The following TBL1XR1 variants were observed in gnomAD, a reference collection of about 807,000 sequenced individuals.
TBL1XR1 encodes F-box-like/WD repeat-containing protein TBL1XR1.
Under a neutral mutation model 66.9 loss-of-function variants are expected in TBL1XR1, and 5 were observed. The observed-to-expected ratio is 0.07, with a 90% CI of 0.04 to 0.16. TBL1XR1 has a LOEUF of 0.16. Ranked by LOEUF, TBL1XR1 falls within the 10% of genes least tolerant of loss-of-function variation. The pLI is 1.00. For synonymous variants in TBL1XR1, 210 were observed against 206.0 expected (o/e 1.02, Z -0.17); for missense variants, 238 against 623.2 (o/e 0.38, Z 6.58).
At chr3:177,067,610 T>C (rs1443148515) in intron 2 of TBL1XR1, among the ~76,000 whole-genome samples, 1 of 152,130 alleles carries the variant, frequency 6.6e-6, no homozygotes, top group East Asian at 1.9e-4. Flanking sequence ...TAATAAAAAA[T>C]ACCAAATAAG....
At chr3:177,168,945 C>T (rs765352463) in intron 1 of TBL1XR1, among the ~76,000 whole-genome samples, 4 of 152,102 alleles carry the variant, frequency 2.6e-5, no homozygotes, top group Non-Finnish European at 5.9e-5. Flanking sequence ...TTTGCCTTAC[C>T]AATCCAACTA....
chr3:177,131,510 C>CAT, intron 1 of TBL1XR1: 1 of 257,096 alleles, frequency 3.9e-6, no homozygotes, highest in Non-Finnish European at 5.6e-6. Flanking sequence ...TTCTGAATAT[C>CAT]TTTTTTTTTT....
At chr3:177,112,652 C>A (rs1725795415) in intron 1 of TBL1XR1, among the ~76,000 whole-genome samples, 1 of 151,924 alleles carries the variant, frequency 6.6e-6, no homozygotes. Context: ...AATTAGGTGC[C>A]CGGCCAAATT....
At chr3:177,092,719 GA>G (rs11399492) in intron 2 of TBL1XR1, among the ~76,000 whole-genome samples, 16 of 147,268 alleles carry the variant, frequency 1.1e-4, no homozygotes, top group East Asian at 2.0e-4. Context: ...GTTTTTCAAG[GA>G]AAAAAAAAAA....
intron 1 of TBL1XR1, among the ~76,000 whole-genome samples, chr3:177,170,724 C>T (rs1303435514): frequency 1.3e-5 from 2 of 152,138 alleles, no homozygotes; most frequent in African/African-American, 2.4e-5. Flanking sequence ...CCTGCCTCTG[C>T]CCACCAAGTA....
intron 14 of TBL1XR1, among the ~76,000 whole-genome samples, chr3:177,031,340 A>T (rs995675129): frequency 4.1e-5 from 6 of 145,288 alleles, no homozygotes; most frequent in Non-Finnish European, 6.1e-5. Context: ...CTTAATTTTT[A>T]TTTTTTTTTT....
intron 1 of TBL1XR1, among the ~76,000 whole-genome samples, chr3:177,145,372 GAA>G (rs529272642): frequency 2.6e-5 from 4 of 151,964 alleles, no homozygotes; most frequent in Non-Finnish European, 5.9e-5. Context: ...GCTCCCTATA[GAA>G]AAAGTCTGCT....
intron 1 of TBL1XR1, among the ~76,000 whole-genome samples, chr3:177,115,712 A>C (rs899752088): frequency 1.3e-5 from 2 of 152,228 alleles, no homozygotes; most frequent in Non-Finnish European, 2.9e-5. Context: ...TCTAAAATTT[A>C]AGCTTTTGAT....
At chr3:177,049,899 CA>C in intron 7 of TBL1XR1, 97 bp downstream of exon 7, 1 of 1,405,022 alleles carries the variant, frequency 7.1e-7, no homozygotes, top group Non-Finnish European at 9.6e-7. Context: ...AATAAAACCC[CA>C]AATTCTGAAC....
At chr3:177,145,501 A>T (rs1197340299) in intron 1 of TBL1XR1, among the ~76,000 whole-genome samples, 9 of 152,210 alleles carry the variant, frequency 5.9e-5, no homozygotes. Flanking sequence ...TCTAGAATAA[A>T]GGCAGTAAGG....
intron 5 of TBL1XR1, among the ~76,000 whole-genome samples, chr3:177,050,944 A>G (rs969493466): frequency 2.0e-5 from 3 of 152,138 alleles, no homozygotes; most frequent in Non-Finnish European, 4.4e-5. Flanking sequence ...AGTTTCTGCC[A>G]GTAGGGGTTG....
intron 1 of TBL1XR1, among the ~76,000 whole-genome samples, chr3:177,157,766 G>A (rs1217465545): frequency 6.6e-6 from 1 of 152,126 alleles, no homozygotes; most frequent in Non-Finnish European, 1.5e-5. Context: ...CAAATTAGCC[G>A]TTTCCTGGGA....
chr3:177,187,570 G>A (rs1463739539), intron 1 of TBL1XR1, among the ~76,000 whole-genome samples: 1 of 152,010 alleles, frequency 6.6e-6, no homozygotes, highest in Non-Finnish European at 1.5e-5. Context: ...CAAAGAATTG[G>A]TTTAAAAATA....
chr3:177,114,742 G>A (rs1430288463), intron 1 of TBL1XR1, among the ~76,000 whole-genome samples: 2 of 151,920 alleles, frequency 1.3e-5, no homozygotes, highest in South Asian at 4.1e-4. Flanking sequence ...TTGGGACGCT[G>A]AGATGGGAAG....
chr3:177,150,089 T>C (rs1032116898), intron 1 of TBL1XR1, among the ~76,000 whole-genome samples: 1 of 152,190 alleles, frequency 6.6e-6, no homozygotes, highest in African/African-American at 2.4e-5. Flanking sequence ...TCTTATCTGA[T>C]TCCAAACAAG....
chr3:177,164,166 G>C (rs1479520504), intron 1 of TBL1XR1, among the ~76,000 whole-genome samples: 2 of 152,116 alleles, frequency 1.3e-5, no homozygotes, highest in Non-Finnish European at 2.9e-5. Context: ...TCTTGTTCCA[G>C]AGCTGAGTAA....
At chr3:177,077,495 T>C (rs979459970) in intron 2 of TBL1XR1, among the ~76,000 whole-genome samples, 39 of 152,332 alleles carry the variant, frequency 2.6e-4, no homozygotes, top group African/African-American at 9.1e-4. Context: ...CGTTCTAAAA[T>C]GTATCCAACA....
At chr3:177,137,384 C>T (rs974403300) in intron 1 of TBL1XR1, among the ~76,000 whole-genome samples, 2 of 152,038 alleles carry the variant, frequency 1.3e-5, no homozygotes, top group Non-Finnish European at 2.9e-5. Flanking sequence ...CCCGGTTACT[C>T]GGGAGGCTGA....
At chr3:177,163,484 G>A (rs1487659045) in intron 1 of TBL1XR1, among the ~76,000 whole-genome samples, 1 of 151,694 alleles carries the variant, frequency 6.6e-6, no homozygotes, top group Non-Finnish European at 1.5e-5. Context: ...CATCCAGCCT[G>A]GGCAACAAGA....
Sources: allele counts gnomAD v4.1 joint callset (sites outside exome capture counted in the v4.1 genomes callset), GRCh38; gene constraint gnomAD v4.1.1; transcripts MANE v1.5; gene names NCBI Gene and HGNC (gene_info 2026-07-23, HGNC 2026-07-21).